CDKAL1: variants seen among roughly 807,000 people sequenced by gnomAD.
The protein encoded by CDKAL1 is CDKAL1 threonylcarbamoyladenosine tRNA methylthiotransferase.
In CDKAL1, 32 loss-of-function variants were observed where a neutral mutation model predicts 68.2. The ratio of observed to expected loss-of-function variants is 0.47; its 90% confidence interval spans 0.35 to 0.63. The LOEUF (loss-of-function observed/expected upper bound fraction) is 0.63, where lower values mean the gene tolerates loss of function less well. Ranked by LOEUF, CDKAL1 falls within the 30% of genes least tolerant of loss-of-function variation. The probability of loss-of-function intolerance (pLI) is 0.00; values close to 1 mark genes in which losing one functional copy is unlikely to be tolerated. For missense variants in CDKAL1, 606 were observed against 696.7 expected (o/e 0.87, Z 1.47); for synonymous variants, 234 against 244.3 (o/e 0.96, Z 0.39).
chr6:20,781,646 C>G (rs565996542), intron 8 of CDKAL1, among the ~76,000 whole-genome samples: 1 of 152,010 alleles, frequency 6.6e-6, no homozygotes, highest in South Asian at 2.1e-4. Flanking sequence ...AGATACTAAC[C>G]ACGTTTTGAT....
chr6:20,812,285 A>G, intron 8 of CDKAL1, among the ~76,000 whole-genome samples: 1 of 152,138 alleles, frequency 6.6e-6, no homozygotes, highest in East Asian at 1.9e-4. Flanking sequence ...TTAACCATGA[A>G]TCATTATGCA....
chr6:20,942,767 C>T (rs1764046402), intron 9 of CDKAL1, among the ~76,000 whole-genome samples: 1 of 149,938 alleles, frequency 6.7e-6, no homozygotes, highest in Non-Finnish European at 1.5e-5. Flanking sequence ...CCATCCTGGC[C>T]AACATGGTGA....
At position 21,070,104 on chromosome 6, in the gene CDKAL1, C is replaced by T. The variant is rs935255768; in HGVS notation, c.1236+4876C>T. ...GTCCCCCAGATTTTCTCATCCTCCTCACCCCCAGGTTACACACCCTTTCTA... is the reference window on the plus strand; with the variant it reads ...GTCCCCCAGATTTTCTCATCCTCCTTACCCCCAGGTTACACACCCTTTCTA... On this transcript the variant is annotated intron_variant, in intron 12 of 15. Transcript: ENST00000274695. Among the ~76,000 whole-genome samples the T allele has an allele frequency of 2.7e-5, 4 of 149,462 alleles. No individual in the cohort carries two copies. In the South Asian group the frequency reaches 6.6e-4, roughly 25 times the overall value.
At chr6:21,118,992 T>A (rs1000299839) in intron 13 of CDKAL1, among the ~76,000 whole-genome samples, 1 of 152,072 alleles carries the variant, frequency 6.6e-6, no homozygotes, top group African/African-American at 2.4e-5. Context: ...CTGCTTTTTT[T>A]ATCTTTATTA....
chr6:21,174,643 A>T (rs1468079838), intron 13 of CDKAL1, among the ~76,000 whole-genome samples: 3 of 152,148 alleles, frequency 2.0e-5, no homozygotes, highest in Non-Finnish European at 4.4e-5. Context: ...AAACCCTCAT[A>T]AACTATGTGG....
chr6:20,786,249 A>T (rs1306372989), intron 8 of CDKAL1, among the ~76,000 whole-genome samples: 1 of 152,156 alleles, frequency 6.6e-6, no homozygotes, highest in Non-Finnish European at 1.5e-5. Context: ...AAAACAAAAC[A>T]TAAAAGTACA....
intron 4 of CDKAL1, among the ~76,000 whole-genome samples, chr6:20,640,475 G>A (rs1768120936): frequency 6.6e-6 from 1 of 152,184 alleles, no homozygotes; most frequent in African/African-American, 2.4e-5. Context: ...GTCTGCCTGT[G>A]CTTTAGGGTA....
chr6:20,676,776 T>C (rs1195169686), intron 5 of CDKAL1, among the ~76,000 whole-genome samples: 1 of 152,122 alleles, frequency 6.6e-6, no homozygotes, highest in Non-Finnish European at 1.5e-5. Flanking sequence ...TACTACTGTG[T>C]TACAGTTATC....
intron 10 of CDKAL1, among the ~76,000 whole-genome samples, chr6:20,983,803 T>C (rs1466551490): frequency 6.6e-6 from 1 of 152,228 alleles, no homozygotes; most frequent in Non-Finnish European, 1.5e-5. Context: ...TGCCTTGTTT[T>C]AGAAAGACTA....
At chr6:20,692,531 G>C (rs530999684) in intron 5 of CDKAL1, among the ~76,000 whole-genome samples, 1 of 152,108 alleles carries the variant, frequency 6.6e-6, no homozygotes, top group African/African-American at 2.4e-5. Context: ...GGTCACAGAG[G>C]GGGTTAATTA....
At chr6:20,753,273 T>A (rs1427427451) in intron 6 of CDKAL1, among the ~76,000 whole-genome samples, 1 of 152,216 alleles carries the variant, frequency 6.6e-6, no homozygotes, top group Non-Finnish European at 1.5e-5. Context: ...TCTAGCTTCT[T>A]TCACTTTGCA....
rs138739923 is a variant in CDKAL1 at position 21,163,938 on chromosome 6, C to T, written c.1300-34083C>T. ...TACACTCCAGCCTGGGCAAGAGGAG[C>T]GAAACTCTATCTCAAAAACAAAAAA... On this transcript the variant is annotated intron_variant, in intron 13 of 15. Coordinates refer to ENST00000274695, the MANE Select transcript of CDKAL1 (RefSeq NM_017774.3). Among the ~76,000 whole-genome samples, 448 of 150,422 alleles carry T rather than the reference C, an allele frequency of 3.0e-3. 15 individuals carry two copies. The highest frequency in any genetic ancestry group is 0.011 in the African/African-American group (428 of 39,932).
At chr6:20,773,603 A>G (rs1162661726) in intron 7 of CDKAL1, among the ~76,000 whole-genome samples, 3 of 151,836 alleles carry the variant, frequency 2.0e-5, no homozygotes, top group Non-Finnish European at 4.4e-5. Context: ...GCTGGAGTGC[A>G]GTGGCGCGAT....
intron 9 of CDKAL1, among the ~76,000 whole-genome samples, chr6:20,944,962 G>C (rs562153929): frequency 1.3e-5 from 2 of 152,072 alleles, no homozygotes; most frequent in East Asian, 3.9e-4. Flanking sequence ...CCTTTCCTCA[G>C]GGCTGAATCA....
chr6:21,203,319 C>T (rs1238309690), intron 15 of CDKAL1, among the ~76,000 whole-genome samples: 1 of 146,910 alleles, frequency 6.8e-6, no homozygotes, highest in Non-Finnish European at 1.5e-5. Flanking sequence ...TCACTGCAGC[C>T]TCCACCCCCC....
chr6:20,681,520 G>A (rs1770374320), intron 5 of CDKAL1, among the ~76,000 whole-genome samples: 2 of 152,222 alleles, frequency 1.3e-5, no homozygotes, highest in African/African-American at 4.8e-5. Context: ...TGATAGGAAA[G>A]ACAGTGTGAC....
intron 15 of CDKAL1, among the ~76,000 whole-genome samples, chr6:21,221,956 G>C (rs576980356): frequency 6.6e-6 from 1 of 152,308 alleles, no homozygotes; most frequent in South Asian, 2.1e-4. Context: ...CACCGTTCAA[G>C]TCTGCAGGTT....
At chr6:20,546,881 A>G (rs1763628388) in intron 3 of CDKAL1, among the ~76,000 whole-genome samples, 1 of 152,200 alleles carries the variant, frequency 6.6e-6, no homozygotes, top group Non-Finnish European at 1.5e-5. Flanking sequence ...CATTCCAGGG[A>G]GAAGCTGACG....
At chr6:20,561,446 G>GAAAA (rs55750789) in intron 4 of CDKAL1, among the ~76,000 whole-genome samples, 1,223 of 79,614 alleles carry the variant, frequency 0.015, 1 homozygote, top group Middle Eastern at 0.031. Context: ...TCTCAAAAAA[G>GAAAA]AAAAAAAAAA....
Sources: allele counts gnomAD v4.1 joint callset (sites outside exome capture counted in the v4.1 genomes callset), GRCh38; gene constraint gnomAD v4.1.1; transcripts MANE v1.5; gene names NCBI Gene and HGNC (gene_info 2026-07-23, HGNC 2026-07-21).